The following NCOR2 variants were observed in gnomAD, a reference collection of about 807,000 sequenced individuals.
The protein encoded by NCOR2 is nuclear receptor corepressor 2, also known as CTG repeat protein 26.
A neutral mutation model predicts 262.9 loss-of-function variants in NCOR2; 81 were observed. That is an observed-to-expected ratio of 0.31 (90% CI 0.26 to 0.37). The LOEUF is 0.37. NCOR2 is among the 10% of genes least tolerant of loss of function. The pLI is 1.00. For synonymous variants in NCOR2, 1,659 were observed against 1,559.3 expected (o/e 1.06, Z -1.51); for missense variants, 3,385 against 3,621.4 (o/e 0.93, Z 1.68).
At chr12:124,426,519 C>T (rs556852128) in intron 11 of NCOR2, 103 bp downstream of exon 13, 13 of 1,159,836 alleles carry the variant, frequency 1.1e-5, no homozygotes, top group Non-Finnish European at 1.5e-5. Context: ...GTTTTAAGCA[C>T]CCCCCGGCAT....
chr12:124,400,746 T>A (rs550448363), intron 14 of NCOR2, 73 bp from the exon 17 acceptor site: 1 of 1,549,446 alleles, frequency 6.5e-7, no homozygotes, highest in East Asian at 2.3e-5. Flanking sequence ...GAGGAGACTG[T>A]TTCTTTAGCT....
chr12:124,369,575 G>A (rs112538910), intron 20 of NCOR2, among the ~76,000 whole-genome samples: 2 of 152,094 alleles, frequency 1.3e-5, no homozygotes, highest in Non-Finnish European at 2.9e-5. Flanking sequence ...CTGCGCAGTC[G>A]TGGCCGGCAG....
chr12:124,537,617 G>C (rs923268247), upstream of NCOR2, among the ~76,000 whole-genome samples: 7 of 152,344 alleles, frequency 4.6e-5, no homozygotes, highest in African/African-American at 1.7e-4. Context: ...AGTGCCCTCA[G>C]TGCCAGTGTG....
intron 7 of NCOR2, among the ~76,000 whole-genome samples, chr12:124,447,796 A>G (rs1220624980): frequency 6.6e-6 from 1 of 151,818 alleles, no homozygotes. Flanking sequence ...TCCTGGGCTC[A>G]AGCGATTCTC....
chr12:124,483,579 T>C lies in NCOR2; in HGVS notation c.411+17A>G. The C allele has an allele frequency of 3.9e-6, 6 of 1,551,412 alleles. No homozygotes were observed. The highest frequency in any genetic ancestry group is 5.2e-6 in the Non-Finnish European group (6 of 1,148,696). ...CTCAAGCGGGAGAGGAGCTCCCAGCTGGGGGCCCAGGCTTACCTTGGTGAG... is the reference window on the plus strand; with the variant it reads ...CTCAAGCGGGAGAGGAGCTCCCAGCCGGGGGCCCAGGCTTACCTTGGTGAG... On this transcript the variant is annotated intron_variant, in intron 3 of 46. Coordinates refer to ENST00000405201, the Ensembl canonical transcript of NCOR2. This position sits in a 1 kb window ranked among gnomAD's most constrained non-coding sequence, Gnocchi z 6.3.
At chr12:124,516,189 G>GGA (rs1463817126) in intron 1 of NCOR2, among the ~76,000 whole-genome samples, 2 of 152,226 alleles carry the variant, frequency 1.3e-5, no homozygotes, top group African/African-American at 4.8e-5. Flanking sequence ...GCCCAAGAGC[G>GGA]GAGGCCCTGA....
intron 16 of NCOR2, among the ~76,000 whole-genome samples, chr12:124,390,549 C>A (rs2041230640): frequency 6.6e-6 from 1 of 151,044 alleles, no homozygotes; most frequent in African/African-American, 2.5e-5. Flanking sequence ...GAAATTAGCT[C>A]CCTCGTCCCA....
rs954941565 is a variant in NCOR2, at chr12:124,479,983, G to A, written c.411+3613C>T. On this transcript the variant is annotated intron_variant, in intron 3 of 46. Transcript: ENST00000405201. ...ACTGGCTGGGCATGACTTGGCACGT[G>A]GCAGGCAGTCGGCGCTCACTTAATG... Among the ~76,000 whole-genome samples the A allele has an allele frequency of 2.6e-5, 4 of 152,358 alleles. No homozygotes were observed. In the South Asian group the frequency reaches 8.3e-4, roughly 32 times the overall value.
Position 124,438,016 on chromosome 12 carries a change from C to A in NCOR2, c.816-20G>T, listed in dbSNP as rs999413697. The A allele has an allele frequency of 6.2e-7, 1 of 1,601,570 alleles. No individual in the cohort carries two copies. Among genetic ancestry groups the A allele is most frequent in the Non-Finnish European group, 8.5e-7 (1 of 1,173,378 alleles). On this transcript the variant is annotated intron_variant, in intron 7 of 46. Transcript: ENST00000405201. ...TGGTTTCTGTGCAGGAGGGAAGCGG[C>A]AGACAGGTCAGCCCGGCCGGGCTCA...
intron 28 of NCOR2, chr12:124,348,515 T>C: frequency 1.6e-6 from 1 of 634,614 alleles, no homozygotes; most frequent in Non-Finnish European, 2.6e-6. Context: ...CCAGGAGCTT[T>C]TCCAGGGGGT....
At chr12:124,450,393 C>A (rs924872270) in intron 6 of NCOR2, among the ~76,000 whole-genome samples, 1 of 152,214 alleles carries the variant, frequency 6.6e-6, no homozygotes. Flanking sequence ...GGGCACACAT[C>A]CCCCAGAGAG....
At chr12:124,343,061 T>C in exon 33 of NCOR2, 1 of 1,612,496 alleles carries the variant, frequency 6.2e-7, no homozygotes, top group Non-Finnish European at 8.5e-7. Flanking sequence ...CAGGGGGATG[T>C]GGCTGCGATA....
intron 1 of NCOR2, among the ~76,000 whole-genome samples, chr12:124,491,091 G>A (rs1411323986): frequency 6.6e-6 from 1 of 152,230 alleles, no homozygotes; most frequent in East Asian, 1.9e-4. Context: ...CTTACACCCT[G>A]GCTGAGCTGC....
chr12:124,335,680 G>A (rs764394638), intron 38 of NCOR2, 48 bp from the exon 41 acceptor site: 32 of 1,552,342 alleles, frequency 2.1e-5, no homozygotes, highest in African/African-American at 2.7e-5. Context: ...CCAGGGTTTC[G>A]GAGCCCGAGG....
intron 16 of NCOR2, among the ~76,000 whole-genome samples, chr12:124,397,914 G>A (rs1040842160): frequency 3.9e-5 from 6 of 152,250 alleles, no homozygotes; most frequent in Admixed American, 6.5e-5. Flanking sequence ...GCCTGACAGC[G>A]CAGCTGCACA....
At chr12:124,500,366 T>C (rs1468010151) in intron 1 of NCOR2, among the ~76,000 whole-genome samples, 3 of 152,134 alleles carry the variant, frequency 2.0e-5, no homozygotes, top group Non-Finnish European at 2.9e-5. Flanking sequence ...AACACACAAG[T>C]GCCCCCCGCC....
intron 44 of NCOR2, among the ~76,000 whole-genome samples, chr12:124,329,596 C>G (rs61161987): frequency 0.053 from 8,022 of 152,020 alleles, 342 homozygotes; most frequent in South Asian, 0.14. Flanking sequence ...TAAAAAATTA[C>G]TCGGGTGCAG....
chr12:124,338,492 A>G (rs1370742133), intron 37 of NCOR2, among the ~76,000 whole-genome samples: 10 of 144,752 alleles, frequency 6.9e-5, no homozygotes, highest in African/African-American at 2.3e-4. Context: ...TGGGCGACAG[A>G]GTACAACTCC....
At chr12:124,431,703 GAC>G (rs1019719305) in intron 8 of NCOR2, among the ~76,000 whole-genome samples, 1 of 149,900 alleles carries the variant, frequency 6.7e-6, no homozygotes, top group African/African-American at 2.5e-5. Context: ...TACAGTCACA[GAC>G]ACACACAGTC....
Sources: allele counts gnomAD v4.1 joint callset (sites outside exome capture counted in the v4.1 genomes callset), GRCh38; gene constraint gnomAD v4.1.1; non-coding constraint Gnocchi (gnomAD v3.1); transcripts MANE v1.5; gene names NCBI Gene and HGNC (gene_info 2026-07-23, HGNC 2026-07-21).